The following GPHN variants were observed in gnomAD, a reference collection of about 807,000 sequenced individuals.
The protein encoded by GPHN is gephyrin.
GPHN carries 17 observed loss-of-function variants against 95.5 expected under a neutral mutation model. That is an observed-to-expected ratio of 0.18 (90% CI 0.12 to 0.27). The LOEUF is 0.27. GPHN is among the 10% of genes least tolerant of loss of function. The probability of loss-of-function intolerance (pLI) is 1.00; values close to 1 mark genes in which losing one functional copy is unlikely to be tolerated. For missense variants in GPHN, 660 were observed against 978.1 expected, an observed-to-expected ratio of 0.67 and a Z score of 4.34; for synonymous variants, 320 against 322.5, an observed-to-expected ratio of 0.99 and a Z score of 0.08.
chr14:67,690,929 C>T, the GPHN span: 1 of 562,208 alleles, frequency 1.8e-6, no homozygotes, highest in Non-Finnish European at 3.2e-6. Flanking sequence ...CCAAGGCAAA[C>T]CAAATCTAAA....
At chr14:66,902,646 T>C (rs1356204155) in intron 5 of GPHN, among the ~76,000 whole-genome samples, 1 of 152,120 alleles carries the variant, frequency 6.6e-6, no homozygotes, top group Non-Finnish European at 1.5e-5. Context: ...TATTCTTGGT[T>C]CTATTAATGT....
chr14:67,382,184 G>T, the GPHN span, among the ~76,000 whole-genome samples: 2 of 151,890 alleles, frequency 1.3e-5, no homozygotes, highest in South Asian at 2.1e-4. Flanking sequence ...ACACGGAAAT[G>T]ATAATTCTTT....
At chr14:67,391,617 G>C in the GPHN span, among the ~76,000 whole-genome samples, 1 of 152,194 alleles carries the variant, frequency 6.6e-6, no homozygotes, top group Non-Finnish European at 1.5e-5. Context: ...CCTCTGTGCA[G>C]ACACACACAT....
the GPHN span, among the ~76,000 whole-genome samples, chr14:67,724,295 C>G: frequency 1.3e-5 from 2 of 152,282 alleles, no homozygotes; most frequent in African/African-American, 4.8e-5. Flanking sequence ...AAACAGGCGA[C>G]TACCTTGCCC....
chr14:67,362,810 A>T, the GPHN span, among the ~76,000 whole-genome samples: 2 of 152,208 alleles, frequency 1.3e-5, no homozygotes, highest in African/African-American at 4.8e-5. Flanking sequence ...TTGTCAACCA[A>T]TATGCAGGTT....
chr14:67,100,170 C>T lies in GPHN; in HGVS notation c.1238-686C>T, dbSNP rs575607618. 4.6e-5 allele frequency among the ~76,000 whole-genome samples: 7 copies of T among 151,952 alleles called. No individual in the cohort carries two copies. In the South Asian group the frequency reaches 1.5e-3, roughly 31 times the overall value. On this transcript the variant is annotated intron_variant, in intron 12 of 22. Coordinates refer to ENST00000478722, the MANE Select transcript of GPHN (RefSeq NM_020806.5). ...CTAACTCATAAATAGAATTTTGATA[C>T]ATTATTTTAAAAAACTGTGCTACAA...
chr14:67,709,192 A>G, the GPHN span, among the ~76,000 whole-genome samples: 1 of 152,348 alleles, frequency 6.6e-6, no homozygotes, highest in Non-Finnish European at 1.5e-5. Flanking sequence ...ACTTGATATC[A>G]CAAAATAGAA....
chr14:67,091,808 T>C (rs1472729773), intron 12 of GPHN, among the ~76,000 whole-genome samples: 2 of 151,794 alleles, frequency 1.3e-5, no homozygotes, highest in African/African-American at 4.8e-5. Flanking sequence ...TACCATTTAG[T>C]ATCCTATTTA....
At chr14:67,054,568 C>G (rs769632502) in intron 10 of GPHN, among the ~76,000 whole-genome samples, 11 of 152,016 alleles carry the variant, frequency 7.2e-5, no homozygotes, top group Admixed American at 2.0e-4. Flanking sequence ...TTAAACTACC[C>G]TTGACATTTT....
the GPHN span, among the ~76,000 whole-genome samples, chr14:67,368,055 C>T: frequency 6.6e-6 from 1 of 152,136 alleles, no homozygotes. Context: ...AAAACTTTTA[C>T]TACTTATATT....
chr14:66,958,051 GTTCT>G (rs2068653570), intron 8 of GPHN, among the ~76,000 whole-genome samples: 1 of 152,110 alleles, frequency 6.6e-6, no homozygotes, highest in Non-Finnish European at 1.5e-5. Flanking sequence ...GAGGACCGCT[GTTCT>G]ATTGTACTTG....
chr14:67,604,473 T>C, the GPHN span, among the ~76,000 whole-genome samples: 1 of 152,120 alleles, frequency 6.6e-6, no homozygotes, highest in Non-Finnish European at 1.5e-5. Context: ...GCCAGGAAGA[T>C]CGTTTGAGCT....
intron 1 of GPHN, among the ~76,000 whole-genome samples, chr14:66,581,580 T>C (rs1205341852): frequency 6.6e-6 from 1 of 151,936 alleles, no homozygotes; most frequent in Non-Finnish European, 1.5e-5. Context: ...TAGATTAAAT[T>C]CTTCAAAGAA....
At chr14:66,961,935 TATATATATATATACAC>T (rs1375425916) in intron 8 of GPHN, among the ~76,000 whole-genome samples, 17 of 82,316 alleles carry the variant, frequency 2.1e-4, no homozygotes, top group African/African-American at 1.5e-3. Flanking sequence ...TATATATATA[TATATATATATATACAC>T]ATATCTCCCA....
At chr14:66,872,136 G>A (rs149187342) in intron 4 of GPHN, among the ~76,000 whole-genome samples, 96 of 152,154 alleles carry the variant, frequency 6.3e-4, no homozygotes, top group African/African-American at 1.7e-3. Flanking sequence ...ATTTATATGC[G>A]TTCTAAACTT....
At chr14:67,439,590 T>TTTCTTTCA in the GPHN span, among the ~76,000 whole-genome samples, 1 of 120,622 alleles carries the variant, frequency 8.3e-6, no homozygotes, top group Non-Finnish European at 1.5e-5. Flanking sequence ...TCTTTCTTTC[T>TTTCTTTCA]TTCTTCTTTC....
At chr14:67,426,054 A>G in the GPHN span, among the ~76,000 whole-genome samples, 1 of 151,848 alleles carries the variant, frequency 6.6e-6, no homozygotes, top group Non-Finnish European at 1.5e-5. Flanking sequence ...CAATGAAAAA[A>G]TTTAATAACC....
intron 9 of GPHN, among the ~76,000 whole-genome samples, chr14:66,966,520 A>C (rs771216541): frequency 4.6e-5 from 7 of 152,080 alleles, no homozygotes; most frequent in Non-Finnish European, 8.8e-5. Context: ...AGTAAGCTAC[A>C]TTTTCAAATG....
At chr14:67,228,014 A>G in the GPHN span, among the ~76,000 whole-genome samples, 1 of 152,090 alleles carries the variant, frequency 6.6e-6, no homozygotes, top group Non-Finnish European at 1.5e-5. Context: ...TACTAAAAAG[A>G]CAAAAATCAC....
Sources: gnomAD v4.1 joint callset for allele counts (sites outside exome capture counted in the v4.1 genomes callset) on GRCh38, gnomAD v4.1.1 for gene constraint, MANE v1.5 for transcripts, NCBI Gene and HGNC (gene_info 2026-07-23, HGNC 2026-07-21) for gene names.